MNT: variants seen among roughly 807,000 people sequenced by gnomAD.
The protein encoded by MNT is max-binding protein MNT.
In MNT, 13 loss-of-function variants were observed where a neutral mutation model predicts 40.7. The ratio of observed to expected loss-of-function variants is 0.32; its 90% CI spans 0.21 to 0.51. The LOEUF (loss-of-function observed/expected upper bound fraction) is 0.51. Among genes scored for constraint, MNT ranks in the 20% least tolerant of loss-of-function variants. MNT has a pLI of 0.98. For missense variants in MNT, 757 were observed against 792.0 expected (o/e 0.96, Z 0.53); for synonymous variants, 426 against 354.8 (o/e 1.20, Z -2.26).
Position 2,394,334 on chromosome 17 carries a change from T to C in MNT, c.666A>G (p.Arg222=). ...TCTTCTCCAATTTGTTGTGGACTTC[T>C]CTGGTTCCGATCCTGAAACCCAGAC... ...QKKRPGGIGT[R]EVHNKLEKNR... Residue 222 remains arginine, a synonymous_variant, in exon 3 of 6, where the codon AGA becomes AGG. Coordinates refer to ENST00000174618, the MANE Select transcript of MNT (RefSeq NM_020310.3). 3 of 1,613,336 alleles carry C rather than the reference T, an allele frequency of 1.9e-6. No homozygotes were observed. Among genetic ancestry groups the C allele is most frequent in the Non-Finnish European group, 2.5e-6 (3 of 1,179,944 alleles).
chr17:2,388,613 G>A (rs575069038), intron 4 of MNT, among the ~76,000 whole-genome samples: 3 of 152,048 alleles, frequency 2.0e-5, no homozygotes, highest in Non-Finnish European at 4.4e-5. Flanking sequence ...GCTTCTCGAC[G>A]AGGCTCCATT....
At chr17:2,400,444 G>C in intron 1 of MNT, 196 bp downstream of exon 1, 1 of 507,944 alleles carries the variant, frequency 2.0e-6, no homozygotes, top group Non-Finnish European at 3.4e-6. Flanking sequence ...CTCGCAGCAT[G>C]TTAATGAATT....
Position 2,388,038 on chromosome 17 carries a change from C to T in MNT, c.819G>A (p.Arg273=), listed in dbSNP as rs989039385. 3.2e-6 allele frequency: 5 copies of T among 1,558,520 alleles called. No individual in the cohort carries two copies. The highest frequency in any genetic ancestry group is 3.8e-5 in the Admixed American group (2 of 52,156). Reference sequence around the variant, plus strand: ...TTTCATGCTCATATTCCTTCTCCTTCCTCTTCAGGGACTGGCACACAGAGT... The same window carrying T: ...TTTCATGCTCATATTCCTTCTCCTTTCTCTTCAGGGACTGGCACACAGAGT... ...TALRYIQSLK[R]KEKEYEHEME... is the part of the protein sequence containing the mutation. The change falls in exon 5 of 6, where the codon AGG becomes AGA. Residue 273 remains arginine, a synonymous_variant. Transcript: ENST00000174618.
rs201504054 is a variant in MNT at position 2,387,908 on chromosome 17, G to A, written c.949C>T (p.Arg317Trp). 9.3e-6 allele frequency: 15 copies of A among 1,606,394 alleles called. No homozygotes were observed. The highest frequency in any genetic ancestry group is 3.3e-5 in the South Asian group (3 of 90,718). ...MDVLEIDRVLRQTGQPEDDQA... is the reference protein window; with the variant it reads ...MDVLEIDRVLWQTGQPEDDQA... The stretch of plus-strand genomic sequence containing the variant: ...TCATCCTCGGGCTGGCCCGTCTGCC[G>A]CAGCACGCGGTCAATCTCCAGTACG... Residue 317 changes from arginine (R) to tryptophan (W), a missense_variant, in exon 5 of 6, where the codon CGG (arginine) becomes TGG (tryptophan). Around this residue, in one of 4 missense-constraint regions of MNT, gnomAD observed 345 missense variants for 380.1 expected, o/e 0.91. Transcript: ENST00000174618.
Position 2,387,916 on chromosome 17 carries a change from C to T in MNT, c.941G>A (p.Arg314His), listed in dbSNP as rs369150700. Residue 314 changes from arginine to histidine, a missense_variant, in exon 5 of 6, where the codon CGC (arginine) becomes CAC (histidine). Around this residue, in one of 4 missense-constraint regions of MNT, gnomAD observed 345 missense variants for 380.1 expected, o/e 0.91. Coordinates refer to ENST00000174618, the MANE Select transcript of MNT (RefSeq NM_020310.3). ...GGGCTGGCCCGTCTGCCGCAGCACG[C>T]GGTCAATCTCCAGTACGTCCATCCA... is the stretch of plus-strand genomic sequence containing the variant. ...SQWMDVLEID[R>H]VLRQTGQPED... The T allele has an allele frequency of 1.2e-5, 19 of 1,608,022 alleles. No homozygotes were observed. The highest frequency in any genetic ancestry group is 4.5e-5 in the East Asian group (2 of 44,864).
rs766691840 is a variant in MNT at position 2,394,301 on chromosome 17, A to ACACACACACACACACC, written c.695+3_695+4insGGTGTGTGTGTGTGTG. On this transcript the variant is annotated splice_donor_region_variant and intron_variant, in intron 3 of 5. Transcript: ENST00000174618. ...CGCACACACACACACACACACACAC[A>ACACACACACACACACC]CACCTGTTCTTCTCCAATTTGTTGT... is the stretch of plus-strand genomic sequence containing the variant. The ACACACACACACACACC allele has an allele frequency of 1.2e-6, 2 of 1,612,858 alleles. No individual in the cohort carries two copies. The highest frequency in any genetic ancestry group is 1.7e-5 in the Admixed American group (1 of 59,950).
intron 4 of MNT, chr17:2,388,298 G>C (rs924979683): frequency 4.0e-6 from 2 of 496,562 alleles, no homozygotes; most frequent in Non-Finnish European, 7.1e-6. Flanking sequence ...CAGGTGTGCA[G>C]GTCCTTCCCT....
At chr17:2,397,621 G>A (rs542742566) in intron 1 of MNT, among the ~76,000 whole-genome samples, 121 of 152,172 alleles carry the variant, frequency 8.0e-4, no homozygotes, top group South Asian at 3.1e-3. Flanking sequence ...GAACCACGCC[G>A]GTACACCTCA....
At chr17:2,397,155 C>A (rs924980663) in intron 1 of MNT, among the ~76,000 whole-genome samples, 1 of 152,218 alleles carries the variant, frequency 6.6e-6, no homozygotes, top group African/African-American at 2.4e-5. Flanking sequence ...ATCTCCCTAG[C>A]CCTTCGGGAA....
Position 2,395,298 on chromosome 17 carries a change from G to T in MNT, c.230C>A (p.Pro77Gln). The T allele has an allele frequency of 6.3e-7, 1 of 1,587,614 alleles. No homozygotes were observed. Residue 77 changes from proline (P) to glutamine (Q), a missense_variant, in exon 2 of 6, where the codon CCA becomes CAA. By Grantham distance (76) the Pro-to-Gln change is moderately conservative. Transcript: ENST00000174618. ...TGGGGCAGGGGTGGCAAGTGGTGGTGGGGGTGCCGGCGGGGGAGCCGGTGG... is the reference window on the plus strand; with the variant it reads ...TGGGGCAGGGGTGGCAAGTGGTGGTTGGGGTGCCGGCGGGGGAGCCGGTGG... ...LSPPAPPPAP[P>Q]PPLATPAPLT...
intron 4 of MNT, 127 bp from the exon 5 acceptor site, chr17:2,388,176 G>C: frequency 1.2e-6 from 1 of 863,026 alleles, no homozygotes; most frequent in African/African-American, 1.7e-5. Context: ...GGCCCAGCCT[G>C]ACGGGGGCTG....
Position 2,395,152 on chromosome 17 carries a change from C to T in MNT, c.376G>A (p.Ala126Thr), listed in dbSNP as rs1482274574. The T allele has an allele frequency of 2.1e-6, 3 of 1,459,558 alleles. No individual in the cohort carries two copies. Among genetic ancestry groups the T allele is most frequent in the South Asian group, 1.4e-5 (1 of 70,576 alleles). 90.4% of individuals were successfully genotyped at this position (1,459,558 alleles called of 1,614,324 possible). ...LAPRQPALVG[A>T]PGLSIKEPAP... Reference sequence around the variant, plus strand: ...GGCTCCTTAATGCTGAGTCCGGGGGCGCCAACCAGGGCCGGCTGACGAGGC... The same window carrying T: ...GGCTCCTTAATGCTGAGTCCGGGGGTGCCAACCAGGGCCGGCTGACGAGGC... Residue 126 changes from alanine to threonine, a missense_variant, in exon 2 of 6, where the codon GCC becomes ACC. Around this residue, in one of 4 missense-constraint regions of MNT, gnomAD observed 335 missense variants for 291.4 expected, o/e 1.15. Transcript: ENST00000174618.
chr17:2,400,587 G>A (rs1296261639), intron 1 of MNT, 53 bp downstream of exon 1: 13 of 1,524,022 alleles, frequency 8.5e-6, no homozygotes, highest in African/African-American at 1.4e-5. Flanking sequence ...CGGGGACCGG[G>A]GTCACTCGCT....
intron 5 of MNT, 59 bp from the exon 6 acceptor site, chr17:2,387,708 G>A (rs1334505902): frequency 2.0e-5 from 32 of 1,597,328 alleles, no homozygotes; most frequent in Non-Finnish European, 2.7e-5. Context: ...GTGGCTGGAG[G>A]CGTAGATGCT....
Position 2,384,103 on chromosome 17 carries a change from T to A in MNT, c.*2798A>T, listed in dbSNP as rs920544525. On this transcript the variant is annotated 3_prime_UTR_variant, in exon 6 of 6. Coordinates refer to ENST00000174618, the MANE Select transcript of MNT (RefSeq NM_020310.3). ...TTTCAGTGCAGGTTTATTTCAGTTT[T>A]ATATTTTATTCCAGGCAAGTGCTTA... The A allele has an allele frequency of 6.6e-6, 1 of 152,596 alleles. No individual in the cohort carries two copies. Among genetic ancestry groups the A allele is most frequent in the Non-Finnish European group, 1.5e-5 (1 of 68,034 alleles). 9.5% of individuals were successfully genotyped at this position (152,596 alleles called of 1,614,324 possible). A position where few individuals can be genotyped will look rare whatever the true frequency, so the allele number is the denominator to read the frequency against.
At chr17:2,389,946 C>T (rs551735596) in intron 4 of MNT, 36 of 151,778 alleles carry the variant, frequency 2.4e-4, no homozygotes, top group African/African-American at 8.7e-4. Context: ...ATTAAGTTTT[C>T]TGTCTCAAAA....
intron 3 of MNT, 24 bp downstream of exon 3, chr17:2,394,281 A>ACG (rs771691878): frequency 1.8e-4 from 235 of 1,285,990 alleles, no homozygotes; most frequent in African/African-American, 2.6e-4. Context: ...ACGCACGCAC[A>ACG]CACACACACA....
Position 2,400,939 on chromosome 17 carries a change from CAAA to C in MNT, c.-230_-228del, listed in dbSNP as rs755785772. ...ATTGCAAATTTAAAAAAATGGGATG[CAAA>C]AAAAAAAAAAAGGCGGCACTGCCTC... is the stretch of plus-strand genomic sequence containing the variant. On this transcript the variant is annotated 5_prime_UTR_variant, in exon 1 of 6. Coordinates refer to ENST00000174618, the MANE Select transcript of MNT (RefSeq NM_020310.3). 4.5e-3 allele frequency: 1,095 copies of C among 244,362 alleles called. No individual in the cohort carries two copies. Among genetic ancestry groups the C allele is most frequent in the South Asian group, 9.2e-3 (98 of 10,662 alleles). The allele number at this position is 244,362 out of a possible 1,614,324, so 15.1% of individuals were successfully genotyped here.
chr17:2,386,961 G>A lies in MNT; in HGVS notation c.1689C>T (p.Leu563=). The A allele has an allele frequency of 6.6e-7, 1 of 1,520,732 alleles. No homozygotes were observed. The highest frequency in any genetic ancestry group is 1.3e-5 in the South Asian group (1 of 76,352). The allele number at this position is 1,520,732 out of a possible 1,614,324, so 94.2% of individuals were successfully genotyped here. The change falls in exon 6 of 6, where the codon CTC becomes CTT. Residue 563 remains leucine, a synonymous_variant. Coordinates refer to ENST00000174618, the MANE Select transcript of MNT (RefSeq NM_020310.3). ...HHPQLVGQTV[L]NPVTMVTMPS... The stretch of plus-strand genomic sequence containing the variant: ...GCATGGTGACCATGGTCACAGGGTT[G>A]AGCACGGTCTGGCCCACCAGCTGGG...
Sources: allele counts gnomAD v4.1 joint callset (sites outside exome capture counted in the v4.1 genomes callset), GRCh38; gene constraint gnomAD v4.1.1; regional missense constraint gnomAD v4.1.1; transcripts MANE v1.5; gene names NCBI Gene and HGNC (gene_info 2026-07-23, HGNC 2026-07-21).